The following CCDC125 variants were observed in gnomAD, a reference collection of about 807,000 sequenced individuals.
The protein encoded by CCDC125 is coiled-coil domain-containing protein 125.
Under a neutral mutation model 57.4 loss-of-function variants are expected in CCDC125, and 43 were observed. That is an observed-to-expected ratio of 0.75 (90% CI 0.59 to 0.97). The LOEUF (loss-of-function observed/expected upper bound fraction) is 0.97. Among genes scored for constraint, CCDC125 ranks in the 50% least tolerant of loss-of-function variants. The pLI, the probability that CCDC125 is intolerant of heterozygous loss-of-function variation, is 0.00. For missense variants in CCDC125, 563 were observed against 595.7 expected, an observed-to-expected ratio of 0.95 and a Z score of 0.57; for synonymous variants, 187 against 195.2, an observed-to-expected ratio of 0.96 and a Z score of 0.35.
chr5:69,309,109 G>A (rs1757769954), intron 4 of CCDC125: 1 of 152,174 alleles, frequency 6.6e-6, no homozygotes, highest in Non-Finnish European at 1.5e-5. Context: ...CAGCATAAAA[G>A]TTCAGAAAAT....
Position 69,300,687 on chromosome 5 carries a change from C to T in CCDC125, c.701-560G>A, listed in dbSNP as rs765391379. On this transcript the variant is annotated intron_variant, in intron 7 of 11. Coordinates refer to ENST00000396496, the MANE Select transcript of CCDC125 (RefSeq NM_176816.5). ...CTTATGATCATGAGCAGCTTCTGTC[C>T]TGAACTTATCTCACACAGGAGACAT... Among the ~76,000 whole-genome samples the T allele has an allele frequency of 6.4e-4, 97 of 151,958 alleles. 2 individuals carry two copies. The highest frequency in any genetic ancestry group is 5.9e-4 in the Non-Finnish European group (40 of 68,010).
At position 69,286,188 on chromosome 5, in the gene CCDC125, C is replaced by CTATATA. The variant is rs59035946; in HGVS notation, c.1100-727_1100-722dup. ...ACTTAAAAACAGTTCAAATGGTAAA[C>CTATATA]TATATATATATATATATATATATAT... On this transcript the variant is annotated intron_variant, in intron 10 of 11. Transcript: ENST00000396496. Among the ~76,000 whole-genome samples the CTATATA allele has an allele frequency of 5.2e-3, 265 of 51,312 alleles. 3 individuals are homozygous for CTATATA. Among genetic ancestry groups the CTATATA allele is most frequent in the Non-Finnish European group, 6.6e-3 (192 of 29,220 alleles). 33.7% of individuals were successfully genotyped at this position (51,312 alleles called of 152,430 possible).
At chr5:69,286,524 C>T (rs1310694611) in intron 10 of CCDC125, among the ~76,000 whole-genome samples, 3 of 151,760 alleles carry the variant, frequency 2.0e-5, no homozygotes, top group African/African-American at 4.8e-5. Context: ...TGAGCCACCG[C>T]GCCCGGCCAA....
chr5:69,314,729 AG>A (rs1461770655), intron 2 of CCDC125, among the ~76,000 whole-genome samples: 1 of 151,768 alleles, frequency 6.6e-6, no homozygotes, highest in Non-Finnish European at 1.5e-5. Context: ...ACTTAAGTCC[AG>A]GAGTTCGAGG....
rs1752471693 is a variant in CCDC125 at position 69,281,454 on chromosome 5, A to G, written c.*1275T>C. On this transcript the variant is annotated 3_prime_UTR_variant, in exon 12 of 12. Transcript: ENST00000396496. ...CCCCATTTCCTGGATCATCACAACC[A>G]TCTCACAGGATGCAATGAAAAGAGC... 6.6e-6 allele frequency: 1 copy of G among 152,080 alleles called. No homozygotes were observed. The highest frequency in any genetic ancestry group is 2.1e-4 in the South Asian group (1 of 4,814). The allele number at this position is 152,080 out of a possible 1,614,324, so 9.4% of individuals were successfully genotyped here. A position where few individuals can be genotyped will look rare whatever the true frequency, so the allele number is the denominator to read the frequency against.
At chr5:69,299,292 G>A (rs1279285695) in intron 8 of CCDC125, among the ~76,000 whole-genome samples, 1 of 151,888 alleles carries the variant, frequency 6.6e-6, no homozygotes. Flanking sequence ...TGTATTTTTA[G>A]TAGAGACAGG....
chr5:69,312,243 C>G (rs1234728271), intron 3 of CCDC125, among the ~76,000 whole-genome samples: 2 of 152,156 alleles, frequency 1.3e-5, no homozygotes, highest in African/African-American at 4.8e-5. Flanking sequence ...AGGATTGCAG[C>G]AAGCATCAGA....
At chr5:69,318,236 T>A (rs1229894064) in intron 2 of CCDC125, among the ~76,000 whole-genome samples, 5 of 151,206 alleles carry the variant, frequency 3.3e-5, no homozygotes, top group Non-Finnish European at 7.4e-5. Context: ...CGCCTCAGCC[T>A]CCCAAAGTGC....
chr5:69,298,162 T>G (rs1332616857), intron 8 of CCDC125, among the ~76,000 whole-genome samples: 1 of 151,790 alleles, frequency 6.6e-6, no homozygotes, highest in Non-Finnish European at 1.5e-5. Context: ...ATTACAGGCA[T>G]ACGCCACTAC....
At chr5:69,322,560 C>CA (rs1009387749) in intron 1 of CCDC125, among the ~76,000 whole-genome samples, 37 of 147,836 alleles carry the variant, frequency 2.5e-4, no homozygotes, top group Non-Finnish European at 4.2e-4. Flanking sequence ...CCTGTCTCTA[C>CA]AAAAAAAAAA....
At chr5:69,290,570 T>G (rs568185146) in intron 10 of CCDC125, among the ~76,000 whole-genome samples, 17 of 151,184 alleles carry the variant, frequency 1.1e-4, no homozygotes, top group African/African-American at 4.1e-4. Flanking sequence ...GCCAAAGTGC[T>G]GGGATTACAG....
At chr5:69,297,333 G>A (rs1020305253) in intron 8 of CCDC125, among the ~76,000 whole-genome samples, 4 of 151,048 alleles carry the variant, frequency 2.6e-5, no homozygotes, top group Non-Finnish European at 2.9e-5. Flanking sequence ...GAGCCACTGC[G>A]GCTGGCCTGT....
chr5:69,324,833 C>T (rs983468861), intron 1 of CCDC125, among the ~76,000 whole-genome samples: 3 of 151,754 alleles, frequency 2.0e-5, no homozygotes, highest in African/African-American at 7.3e-5. Context: ...GGCAACATAG[C>T]GAGATCCCCA....
At chr5:69,285,834 A>G (rs1443905049) in intron 10 of CCDC125, among the ~76,000 whole-genome samples, 1 of 152,006 alleles carries the variant, frequency 6.6e-6, no homozygotes, top group Non-Finnish European at 1.5e-5. Context: ...CAACCTAACA[A>G]AACATGTCTG....
downstream of CCDC125, among the ~76,000 whole-genome samples, chr5:69,278,038 C>T (rs181342147): frequency 8.3e-3 from 1,260 of 152,108 alleles, 50 homozygotes; most frequent in Admixed American, 0.076. Flanking sequence ...ACCACTACAC[C>T]TGCCTAATTT....
At chr5:69,301,732 C>T (rs1226571596) in intron 7 of CCDC125, among the ~76,000 whole-genome samples, 1 of 103,880 alleles carries the variant, frequency 9.6e-6, no homozygotes, top group African/African-American at 3.4e-5. Context: ...GAGACTCTGT[C>T]TCAAAAAAAA....
At chr5:69,285,700 C>G (rs1753229359) in intron 10 of CCDC125, among the ~76,000 whole-genome samples, 1 of 152,190 alleles carries the variant, frequency 6.6e-6, no homozygotes, top group South Asian at 2.1e-4. Flanking sequence ...ACAGGCCACA[C>G]AAGAACACAG....
At chr5:69,299,723 G>A (rs910842482) in intron 8 of CCDC125, among the ~76,000 whole-genome samples, 10 of 152,136 alleles carry the variant, frequency 6.6e-5, no homozygotes, top group African/African-American at 9.7e-5. Context: ...GGTAAGCCCC[G>A]ACCCACATGT....
At chr5:69,283,469 C>G (rs976658732) in intron 11 of CCDC125, among the ~76,000 whole-genome samples, 2 of 151,866 alleles carry the variant, frequency 1.3e-5, no homozygotes, top group Admixed American at 6.6e-5. Context: ...ATCAGCCCAC[C>G]TTGGCCTCCC....
Sources: gnomAD v4.1 joint callset for allele counts (sites outside exome capture counted in the v4.1 genomes callset) on GRCh38, gnomAD v4.1.1 for gene constraint, MANE v1.5 for transcripts, NCBI Gene and HGNC (gene_info 2026-07-23, HGNC 2026-07-21) for gene names.